PSMD11: variants seen among roughly 807,000 people sequenced by gnomAD.
PSMD11 encodes the protein 26S proteasome non-ATPase regulatory subunit 11.
In PSMD11, 5 loss-of-function variants were observed where a neutral mutation model predicts 62.3. The observed-to-expected ratio is 0.08, with a 90% CI of 0.04 to 0.17. PSMD11 has a LOEUF of 0.17. PSMD11 is among the 10% of genes least tolerant of loss of function. The pLI, the probability that PSMD11 is intolerant of heterozygous loss-of-function variation, is 1.00. For synonymous variants in PSMD11, 191 were observed against 191.8 expected (o/e 1.00, Z 0.03); for missense variants, 310 against 512.9 (o/e 0.60, Z 3.82).
At chr17:32,471,797 T>C (rs552746507) in intron 6 of PSMD11, among the ~76,000 whole-genome samples, 1 of 152,312 alleles carries the variant, frequency 6.6e-6, no homozygotes, top group Admixed American at 6.5e-5. Flanking sequence ...AATATGACAT[T>C]GAGCTGGGAG....
intron 2 of PSMD11, 91 bp from the exon 3 acceptor site, chr17:32,454,404 C>T (rs1017929922): frequency 8.6e-5 from 116 of 1,351,856 alleles, no homozygotes; most frequent in Non-Finnish European, 1.1e-4. Context: ...ATGTAAGTAC[C>T]GATTTTTATG....
intron 8 of PSMD11, among the ~76,000 whole-genome samples, chr17:32,476,340 A>G (rs1230133890): frequency 6.6e-6 from 1 of 152,202 alleles, no homozygotes; most frequent in Non-Finnish European, 1.5e-5. Context: ...AGGGACATCC[A>G]AGTGTTCAGG....
At chr17:32,457,481 C>A (rs1907685723) in intron 3 of PSMD11, among the ~76,000 whole-genome samples, 1 of 152,158 alleles carries the variant, frequency 6.6e-6, no homozygotes, top group East Asian at 1.9e-4. Flanking sequence ...AAATGATCTG[C>A]CTGCCTTGCC....
At chr17:32,474,859 T>G in intron 8 of PSMD11, 35 bp downstream of exon 8, 1 of 1,580,636 alleles carries the variant, frequency 6.3e-7, no homozygotes. Flanking sequence ...CTGCTCACTC[T>G]GAGACCAGCA....
At chr17:32,467,645 T>C (rs1039855198) in intron 5 of PSMD11, among the ~76,000 whole-genome samples, 2 of 152,228 alleles carry the variant, frequency 1.3e-5, no homozygotes, top group Non-Finnish European at 2.9e-5. Context: ...TCTCACTCTG[T>C]CACCCAACCT....
At chr17:32,446,436 T>C (rs1425370847) in intron 1 of PSMD11, among the ~76,000 whole-genome samples, 2 of 152,208 alleles carry the variant, frequency 1.3e-5, no homozygotes, top group African/African-American at 2.4e-5. Context: ...GACCTGCTTA[T>C]CCCTAACACA....
intron 6 of PSMD11, among the ~76,000 whole-genome samples, chr17:32,473,443 A>AT (rs947245725): frequency 2.6e-5 from 4 of 151,244 alleles, no homozygotes; most frequent in African/African-American, 7.3e-5. Flanking sequence ...CACCCAGCTA[A>AT]TTTTTTTTGT....
At chr17:32,474,043 C>T (rs1158480502) in intron 7 of PSMD11, 98 bp downstream of exon 7, 23 of 1,424,850 alleles carry the variant, frequency 1.6e-5, no homozygotes, top group Non-Finnish European at 2.0e-5. Context: ...TGGCCAGTTA[C>T]AGAAACAGCA....
At chr17:32,447,306 C>T in intron 2 of PSMD11, 1 of 355,940 alleles carries the variant, frequency 2.8e-6, no homozygotes, top group Non-Finnish European at 5.1e-6. Flanking sequence ...TTTGAATTCT[C>T]ACTGTATTCC....
intron 5 of PSMD11, 120 bp from the exon 6 acceptor site, chr17:32,468,878 CT>C (rs1567856468): frequency 4.1e-6 from 4 of 979,866 alleles, no homozygotes; most frequent in Non-Finnish European, 5.7e-6. Context: ...TAGAGGTAAC[CT>C]TTTTTGAGTT....
chr17:32,447,360 A>G lies in PSMD11; in HGVS notation c.193+314A>G, dbSNP rs1025878981. On this transcript the variant is annotated intron_variant, in intron 2 of 13. Coordinates refer to ENST00000261712, the MANE Select transcript of PSMD11 (RefSeq NM_002815.4). ...CAGTCTTCAATAATTTCACTGAGCA[A>G]CTCTGATGTATTTAAGATAGATAAC... The G allele has an allele frequency of 2.9e-5, 6 of 206,722 alleles. No individual in the cohort carries two copies. In the South Asian group the frequency reaches 4.4e-4, roughly 15 times the overall value. 12.8% of individuals were successfully genotyped at this position (206,722 alleles called of 1,614,324 possible).
chr17:32,462,136 C>CT lies in PSMD11; in HGVS notation c.319-1904dup, dbSNP rs201214689. 9.1e-3 allele frequency among the ~76,000 whole-genome samples: 1,372 copies of CT among 151,212 alleles called. 19 individuals carry two copies. The highest frequency in any genetic ancestry group is 0.029 in the African/African-American group (1,196 of 41,314). ...CTAATGAATCAACAGCCCAGGCATT[C>CT]TTTTTTTTTGGTAGATGAGTGTGGT... On this transcript the variant is annotated intron_variant, in intron 3 of 13. Coordinates refer to ENST00000261712, the MANE Select transcript of PSMD11 (RefSeq NM_002815.4).
At chr17:32,469,546 A>G (rs1288693985) in intron 6 of PSMD11, among the ~76,000 whole-genome samples, 1 of 152,188 alleles carries the variant, frequency 6.6e-6, no homozygotes, top group South Asian at 2.1e-4. Flanking sequence ...AGATCTTTGT[A>G]AAGTTGGTTG....
At position 32,479,839 on chromosome 17, in the gene PSMD11, C is replaced by T; in HGVS notation, c.1039-12C>T. 1 of 1,613,198 alleles carries T rather than the reference C, an allele frequency of 6.2e-7. No individual in the cohort carries two copies. Among genetic ancestry groups the T allele is most frequent in the Non-Finnish European group, 8.5e-7 (1 of 1,179,152 alleles). ...ACTTTCAGTGTTGGTGTCTCTCTGC[C>T]TTTCCTTTTAGATTGAACACATATC... On this transcript the variant is annotated splice_polypyrimidine_tract_variant and intron_variant, in intron 10 of 13. Coordinates refer to ENST00000261712, the MANE Select transcript of PSMD11 (RefSeq NM_002815.4).
In PSMD11 at chr17:32,469,114, T is replaced by C. The variant is rs1484505192; in HGVS notation, c.564T>C (p.Ala188=). 1 of 1,614,160 alleles carries C rather than the reference T, an allele frequency of 6.2e-7. No individual in the cohort carries two copies. The highest frequency in any genetic ancestry group is 1.1e-5 in the South Asian group (1 of 91,084). ...HALSNLPKAR[A]ALTSARTTAN... is the part of the protein sequence containing the mutation. ...TGAGCAACCTGCCGAAAGCCCGAGC[T>C]GCCTTAACTTCTGCTCGAACCACAG... Residue 188 remains alanine (A), a synonymous_variant, in exon 6 of 14, where the codon GCT becomes GCC. Coordinates refer to ENST00000261712, the MANE Select transcript of PSMD11 (RefSeq NM_002815.4).
At chr17:32,456,310 C>T (rs986551848) in intron 3 of PSMD11, among the ~76,000 whole-genome samples, 5 of 152,134 alleles carry the variant, frequency 3.3e-5, no homozygotes, top group African/African-American at 1.2e-4. Context: ...CCTTTTTGCA[C>T]ACTGAAGTTT....
At chr17:32,474,034 GGCCAGTTACAGAAACA>G in intron 7 of PSMD11, 89 bp downstream of exon 7, 1 of 1,505,018 alleles carries the variant, frequency 6.6e-7, no homozygotes. Context: ...CAGGGAGTTT[GGCCAGTTACAGAAACA>G]GCAGCAGCTG....
At position 32,454,569 on chromosome 17, in the gene PSMD11, C is replaced by A; in HGVS notation, c.268C>A (p.Arg90=). Residue 90 remains arginine, a synonymous_variant, in exon 3 of 14, where the codon CGA becomes AGA. Transcript: ENST00000261712. ...CAAGGCTAAAGCAGCTCGCCTGGTC[C>A]GATCTCTTCTTGATCTGTTTCTTGA... The part of the protein sequence containing the change: ...ISKAKAARLV[R]SLLDLFLDME... 2.5e-6 allele frequency: 4 copies of A among 1,614,008 alleles called. No individual in the cohort carries two copies. Among genetic ancestry groups the A allele is most frequent in the Non-Finnish European group, 2.5e-6 (3 of 1,179,926 alleles).
In PSMD11 at chr17:32,469,083, A is replaced by G. The variant is rs1400070445; in HGVS notation, c.533A>G (p.His178Arg). The change falls in exon 6 of 14, where the codon CAT becomes CGT. Residue 178 changes from histidine to arginine, a missense_variant. By Grantham distance (29) the His-to-Arg change is conservative (BLOSUM62 0). Around this residue, in one of 6 missense-constraint regions of PSMD11, gnomAD observed 47 missense variants for 117.7 expected, o/e 0.40. Coordinates refer to ENST00000261712, the MANE Select transcript of PSMD11 (RefSeq NM_002815.4). ...EVQLLESKTY[H>R]ALSNLPKARA... ...CAGCTTTTAGAAAGCAAAACATACC[A>G]TGCCCTGAGCAACCTGCCGAAAGCC... 2 of 1,614,058 alleles carry G rather than the reference A, an allele frequency of 1.2e-6. No homozygotes were observed. Among genetic ancestry groups the G allele is most frequent in the Non-Finnish European group, 1.7e-6 (2 of 1,180,050 alleles).
Sources: allele counts gnomAD v4.1 joint callset (sites outside exome capture counted in the v4.1 genomes callset), GRCh38; gene constraint gnomAD v4.1.1; regional missense constraint gnomAD v4.1.1; transcripts MANE v1.5; gene names NCBI Gene and HGNC (gene_info 2026-07-23, HGNC 2026-07-21).